WDR47: variants seen among roughly 807,000 people sequenced by gnomAD.
WDR47 encodes the protein WD repeat domain 47.
Under a neutral mutation model 97.2 loss-of-function variants are expected in WDR47, and 32 were observed. That is an observed-to-expected ratio of 0.33 (90% confidence interval 0.25 to 0.44). The LOEUF is 0.44. Among genes scored for constraint, WDR47 ranks in the 20% least tolerant of loss-of-function variants. The pLI is 1.00. For synonymous variants in WDR47, 375 were observed against 373.5 expected (o/e 1.00, Z -0.05); for missense variants, 782 against 1,102.3 (o/e 0.71, Z 4.11).
At chr1:109,023,118 G>C (rs924520539) in intron 2 of WDR47, among the ~76,000 whole-genome samples, 2 of 151,748 alleles carry the variant, frequency 1.3e-5, no homozygotes, top group South Asian at 4.1e-4. Context: ...CAGGAGAATG[G>C]CGTGAACCCG....
intron 13 of WDR47, among the ~76,000 whole-genome samples, chr1:108,980,751 C>A (rs546415992): frequency 1.3e-5 from 2 of 151,190 alleles, no homozygotes; most frequent in Non-Finnish European, 3.0e-5. Context: ...AACAAAAAAA[C>A]TACAAAGGCA....
At position 109,020,249 on chromosome 1, in the gene WDR47, T is replaced by C. The variant is rs1571233261; in HGVS notation, c.159-2648A>G. ...CATATTTAGTTGTTTTTTTTTTTTT[T>C]TTTTTGAGACAGAGTCTTGCTCTGT... On this transcript the variant is annotated intron_variant, in intron 2 of 14. Transcript: ENST00000369962. Among the ~76,000 whole-genome samples, 3 of 151,634 alleles carry C rather than the reference T, an allele frequency of 2.0e-5. No homozygotes were observed. The South Asian group carries it at 6.2e-4, about 31-fold the overall frequency.
chr1:109,008,614 TTA>T (rs1261709780), intron 5 of WDR47, among the ~76,000 whole-genome samples: 9 of 151,126 alleles, frequency 6.0e-5, no homozygotes, highest in Non-Finnish European at 1.0e-4. Context: ...GCTCTAATCA[TTA>T]TTATTTTTTG....
rs1293065412 is a variant in WDR47, at chr1:108,970,614, A to G, written c.*816T>C. ...GTCAAGGATTTTAATTTTTAAGGAG[A>G]AAAATGCCAGTAAATTTACTGTACC... is the stretch of plus-strand genomic sequence containing the variant. On this transcript the variant is annotated 3_prime_UTR_variant, in exon 15 of 15. Coordinates refer to ENST00000369962, the MANE Select transcript of WDR47 (RefSeq NM_001142551.2). The G allele has an allele frequency of 6.6e-6, 1 of 152,656 alleles. No homozygotes were observed. The highest frequency in any genetic ancestry group is 1.5e-5 in the Non-Finnish European group (1 of 68,038). The allele number at this position is 152,656 out of a possible 1,614,324, so 9.5% of individuals were successfully genotyped here. A position where few individuals can be genotyped will look rare whatever the true frequency, so the allele number is the denominator to read the frequency against.
At position 108,995,651 on chromosome 1, in the gene WDR47, T is replaced by C; in HGVS notation, c.1620A>G (p.Thr540=). The C allele has an allele frequency of 6.2e-7, 1 of 1,614,124 alleles. No homozygotes were observed. The highest frequency in any genetic ancestry group is 8.5e-7 in the Non-Finnish European group (1 of 1,180,002). Residue 540 remains threonine (T), a synonymous_variant, in exon 8 of 15, where the codon ACA becomes ACG. Transcript: ENST00000369962. ...RLTHDASNIH[T]STPRNPGSTN... ...TTGATCCAGGATTACGAGGAGTGCT[T>C]GTATGAATATTTGAAGCATCATGTG...
intron 9 of WDR47, 104 bp downstream of exon 9, chr1:108,991,150 C>A: frequency 2.7e-6 from 3 of 1,094,764 alleles, no homozygotes; most frequent in Non-Finnish European, 4.1e-6. Flanking sequence ...GTACTGTACA[C>A]CACCACGTCT....
At chr1:108,988,752 G>A (rs1021429065) in intron 9 of WDR47, among the ~76,000 whole-genome samples, 1 of 151,764 alleles carries the variant, frequency 6.6e-6, no homozygotes, top group Non-Finnish European at 1.5e-5. Flanking sequence ...ACATTTGAAT[G>A]TTTCATTTCT....
intron 1 of WDR47, among the ~76,000 whole-genome samples, chr1:109,038,750 G>C (rs1663131796): frequency 6.6e-6 from 1 of 152,130 alleles, no homozygotes; most frequent in African/African-American, 2.4e-5. Context: ...GCCGAACTGG[G>C]TGGATCACTT....
At chr1:108,997,116 C>CG (rs778816335) in intron 7 of WDR47, among the ~76,000 whole-genome samples, 1 of 134,966 alleles carries the variant, frequency 7.4e-6, no homozygotes, top group Non-Finnish European at 1.6e-5. Flanking sequence ...TCTCCATCTC[C>CG]AAAAAAAAAA....
At position 109,013,914 on chromosome 1, in the gene WDR47, A is replaced by G; in HGVS notation, c.254T>C (p.Ile85Thr). 1 of 1,610,744 alleles carries G rather than the reference A, an allele frequency of 6.2e-7. No homozygotes were observed. The highest frequency in any genetic ancestry group is 8.5e-7 in the Non-Finnish European group (1 of 1,179,340). Residue 85 changes from isoleucine (I) to threonine (T), a missense_variant, in exon 4 of 15, where the codon ATT becomes ACT. By Grantham distance (89) the Ile-to-Thr change is moderately conservative. Transcript: ENST00000369962. ...TTCTAAAAACTTCTGCTTCAGGATA[A>G]TATAACGAAACCTGTGGGAAAAAAA... ...EKFDKKRFRY[I>T]ILKQKFLEAL...
chr1:109,041,009 CAAAA>C (rs540629928), intron 1 of WDR47, among the ~76,000 whole-genome samples: 10 of 127,764 alleles, frequency 7.8e-5, no homozygotes, highest in Non-Finnish European at 1.7e-4. Context: ...ACCAAGTTGC[CAAAA>C]AAAAAAAACG....
At chr1:108,981,604 AGTAACTAAT>A in intron 13 of WDR47, 120 bp downstream of exon 13, 1 of 908,686 alleles carries the variant, frequency 1.1e-6, no homozygotes, top group Non-Finnish European at 1.6e-6. Flanking sequence ...AAGAACTGAA[AGTAACTAAT>A]AAAATATCAA....
intron 1 of WDR47, among the ~76,000 whole-genome samples, chr1:109,040,209 C>T (rs1384582703): frequency 1.3e-5 from 2 of 152,108 alleles, no homozygotes; most frequent in African/African-American, 4.8e-5. Flanking sequence ...CAAAAGAAAG[C>T]TTAAATACAG....
chr1:109,002,758 G>T lies in WDR47; in HGVS notation c.1255-356C>A, dbSNP rs577412224. Among the ~76,000 whole-genome samples the T allele has an allele frequency of 2.6e-5, 4 of 152,218 alleles. No homozygotes were observed. In the South Asian group the frequency reaches 8.3e-4, roughly 32 times the overall value. On this transcript the variant is annotated intron_variant, in intron 6 of 14. Coordinates refer to ENST00000369962, the MANE Select transcript of WDR47 (RefSeq NM_001142551.2). Reference sequence around the variant, plus strand: ...ATTTCTTTAAAAATATCCATACTGAGGGACTGCATTAATATTTAATAAACA... The same window carrying T: ...ATTTCTTTAAAAATATCCATACTGATGGACTGCATTAATATTTAATAAACA...
rs141359680 is a variant in WDR47 at position 108,995,778 on chromosome 1, G to A, written c.1493C>T (p.Ser498Leu). ...CCCATTACATTGCTGGTTGAGTGCT[G>A]ATACCTCATTACCAAGGCCATCCAT... The part of the protein sequence containing the change: ...IGMDGLGNEV[S>L]ALNQQCNGSK... Residue 498 changes from serine to leucine, a missense_variant, in exon 8 of 15, where the codon TCA (serine) becomes TTA (leucine). Ser to Leu is a moderately radical substitution (Grantham distance 145). Transcript: ENST00000369962. 6.2e-4 allele frequency: 996 copies of A among 1,613,962 alleles called. 1 individual carries two copies. Among genetic ancestry groups the A allele is most frequent in the Non-Finnish European group, 7.9e-4 (932 of 1,180,010 alleles).
chr1:109,006,212 T>C (rs1660602443), intron 5 of WDR47, among the ~76,000 whole-genome samples: 1 of 151,930 alleles, frequency 6.6e-6, no homozygotes, highest in Non-Finnish European at 1.5e-5. Context: ...CTGACCAACA[T>C]GGAAAAACCC....
At chr1:109,003,522 G>C (rs1300563584) in intron 6 of WDR47, among the ~76,000 whole-genome samples, 1 of 152,092 alleles carries the variant, frequency 6.6e-6, no homozygotes, top group African/African-American at 2.4e-5. Flanking sequence ...GTTTGTTTGA[G>C]ACAGAGTCTC....
chr1:108,995,448 C>G, intron 8 of WDR47, 132 bp downstream of exon 8: 1 of 998,518 alleles, frequency 1.0e-6, no homozygotes, highest in East Asian at 2.4e-5. Context: ...CAAATGAAGG[C>G]AGATTAGGAA....
At chr1:109,018,867 C>G (rs1661614329) in intron 2 of WDR47, among the ~76,000 whole-genome samples, 1 of 151,588 alleles carries the variant, frequency 6.6e-6, no homozygotes, top group Non-Finnish European at 1.5e-5. Flanking sequence ...CCCAGCAGTT[C>G]AAGACTAGCC....
Sources: allele counts gnomAD v4.1 joint callset (sites outside exome capture counted in the v4.1 genomes callset), GRCh38; gene constraint gnomAD v4.1.1; transcripts MANE v1.5; gene names NCBI Gene and HGNC (gene_info 2026-07-23, HGNC 2026-07-21).